PEAK1: variants seen among roughly 807,000 people sequenced by gnomAD.
PEAK1 encodes inactive tyrosine-protein kinase PEAK1.
In PEAK1, 54 loss-of-function variants were observed where a neutral mutation model predicts 124.7. The ratio of observed to expected loss-of-function variants is 0.43; its 90% CI spans 0.35 to 0.54. The LOEUF (loss-of-function observed/expected upper bound fraction) is 0.54. PEAK1 is among the 20% of genes least tolerant of loss of function. PEAK1 has a pLI of 0.01. For missense variants in PEAK1, 2,046 were observed against 2,134.5 expected (o/e 0.96, Z 0.82); for synonymous variants, 719 against 760.0 (o/e 0.95, Z 0.89).
At chr15:77,414,198 T>TCTCTTTCCTTC (rs2072666957) in intron 1 of PEAK1, among the ~76,000 whole-genome samples, 2 of 147,056 alleles carry the variant, frequency 1.4e-5, no homozygotes, top group Non-Finnish European at 1.5e-5. Context: ...TTTCCTTCCT[T>TCTCTTTCCTTC]CTTTCCTTCT....
At chr15:77,392,450 G>T (rs983381518) in intron 1 of PEAK1, among the ~76,000 whole-genome samples, 6 of 152,148 alleles carry the variant, frequency 3.9e-5, no homozygotes, top group African/African-American at 1.2e-4. Flanking sequence ...AATTACAGAG[G>T]TATTAAGACC....
chr15:77,248,922 C>G (rs1471672679), intron 6 of PEAK1, among the ~76,000 whole-genome samples: 1 of 152,130 alleles, frequency 6.6e-6, no homozygotes, highest in Non-Finnish European at 1.5e-5. Flanking sequence ...CCTCCTGGTT[C>G]AAGTGATTCT....
At chr15:77,345,735 AT>A (rs1021628525) in intron 2 of PEAK1, 70 of 247,354 alleles carry the variant, frequency 2.8e-4, no homozygotes, top group South Asian at 4.5e-4. Context: ...GGCTAAAATA[AT>A]TTTTTTTGTA....
intron 8 of PEAK1, among the ~76,000 whole-genome samples, chr15:77,140,179 T>C (rs573842224): frequency 3.9e-5 from 6 of 152,178 alleles, no homozygotes; most frequent in Non-Finnish European, 7.3e-5. Context: ...GAAGTATTAA[T>C]ACCAATCCTT....
chr15:77,230,493 C>G (rs1169044787), intron 6 of PEAK1, among the ~76,000 whole-genome samples: 1 of 152,122 alleles, frequency 6.6e-6, no homozygotes, highest in African/African-American at 2.4e-5. Context: ...GCCACTGTGC[C>G]CAGCCTGAGG....
chr15:77,380,825 C>T (rs1262448091), intron 1 of PEAK1, among the ~76,000 whole-genome samples: 1 of 152,170 alleles, frequency 6.6e-6, no homozygotes, highest in African/African-American at 2.4e-5. Context: ...AAGCATCCCC[C>T]TCTCTCCCAA....
At chr15:77,253,041 C>T (rs944502997) in intron 5 of PEAK1, among the ~76,000 whole-genome samples, 1 of 152,094 alleles carries the variant, frequency 6.6e-6, no homozygotes, top group Non-Finnish European at 1.5e-5. Flanking sequence ...AAATTAAATA[C>T]ATGTCTACCT....
intron 1 of PEAK1, among the ~76,000 whole-genome samples, chr15:77,369,356 A>G (rs746409906): frequency 2.0e-5 from 3 of 152,222 alleles, no homozygotes; most frequent in African/African-American, 7.2e-5. Flanking sequence ...CTCGACCCTT[A>G]GAAAATACAA....
Position 77,158,703 on chromosome 15 carries a change from C to A in PEAK1, c.3138-7G>T, listed in dbSNP as rs540641285. 7.5e-5 allele frequency: 120 copies of A among 1,609,614 alleles called. 1 individual carries two copies. The highest frequency in any genetic ancestry group is 9.9e-5 in the Non-Finnish European group (117 of 1,176,086). On this transcript the variant is annotated splice_region_variant and splice_polypyrimidine_tract_variant and intron_variant, in intron 7 of 9. Transcript: ENST00000682557. The stretch of plus-strand genomic sequence containing the variant: ...TACTTCATGGGTCATGTGACTGAAA[C>A]AAATCAGACCACTTGTCACACTGGT...
chr15:77,350,263 T>C lies in PEAK1; in HGVS notation c.-603+14900A>G, dbSNP rs986835631. 3 of 985,276 alleles carry C rather than the reference T, an allele frequency of 3.0e-6. No homozygotes were observed. In the Admixed American group the frequency reaches 1.8e-4, roughly 61 times the overall value. The allele number at this position is 985,276 out of a possible 1,614,324, so 61.0% of individuals were successfully genotyped here. On this transcript the variant is annotated intron_variant, in intron 2 of 9. Transcript: ENST00000682557. ...ACAAATTAACAGTAACCACTCACAC[T>C]AATTTCATATGAATTAGAAGAATCA... is the stretch of plus-strand genomic sequence containing the variant.
intron 2 of PEAK1, among the ~76,000 whole-genome samples, chr15:77,289,450 T>C (rs1456543167): frequency 2.0e-5 from 3 of 152,144 alleles, no homozygotes; most frequent in African/African-American, 7.2e-5. Flanking sequence ...AAAGTGAAAA[T>C]ATAGTATACT....
rs1157117784 is a variant in PEAK1, at chr15:77,112,772, CT to C, written c.*1383del. 1.3e-5 allele frequency: 2 copies of C among 152,142 alleles called. No individual in the cohort carries two copies. The highest frequency in any genetic ancestry group is 3.9e-4 in the East Asian group (2 of 5,186). 9.4% of individuals were successfully genotyped at this position (152,142 alleles called of 1,614,324 possible). ...GCCAAGGGAAGAAGGGGGAGGGTTT[CT>C]GTAGACTCGCTTCAGGTGAAGTTGC... On this transcript the variant is annotated 3_prime_UTR_variant, in exon 10 of 10. Transcript: ENST00000682557.
chr15:77,231,942 T>C (rs1054681033), intron 6 of PEAK1, among the ~76,000 whole-genome samples: 3 of 152,116 alleles, frequency 2.0e-5, no homozygotes, highest in Admixed American at 6.6e-5. Context: ...ACAGTGAAAT[T>C]TGAAAAACAA....
chr15:77,153,868 G>A (rs535244494), intron 8 of PEAK1, among the ~76,000 whole-genome samples: 77 of 152,268 alleles, frequency 5.1e-4, no homozygotes, highest in African/African-American at 1.8e-3. Context: ...TATAATTTCT[G>A]TTCTTTTACA....
At chr15:77,208,024 T>G (rs1466895778) in intron 6 of PEAK1, among the ~76,000 whole-genome samples, 2 of 152,148 alleles carry the variant, frequency 1.3e-5, no homozygotes, top group East Asian at 3.9e-4. Context: ...GAGTGTGGCT[T>G]TTCCCCAAGA....
Position 77,179,078 on chromosome 15 carries a change from C to T in PEAK1, c.2849G>A (p.Gly950Glu). 2 of 1,614,168 alleles carry T rather than the reference C, an allele frequency of 1.2e-6. No individual in the cohort carries two copies. Among genetic ancestry groups the T allele is most frequent in the East Asian group, 4.5e-5 (2 of 44,882 alleles). Residue 950 changes from glycine to glutamate, a missense_variant, in exon 7 of 10, where the codon GGG (glycine) becomes GAG (glutamate). Coordinates refer to ENST00000682557, the MANE Select transcript of PEAK1 (RefSeq NM_001385026.1). The stretch of plus-strand genomic sequence containing the variant: ...TGTGCCATCCAGGCCCACCAGTTTC[C>T]CTTTCTCTCGCTCTTTCTCTTTGTC... Reference protein sequence around the residue: ...EDDKEKEREKGKLVGLDGTVI... With the variant: ...EDDKEKEREKEKLVGLDGTVI...
At chr15:77,360,092 G>T (rs994681928) in intron 2 of PEAK1, among the ~76,000 whole-genome samples, 1 of 152,190 alleles carries the variant, frequency 6.6e-6, no homozygotes, top group Non-Finnish European at 1.5e-5. Flanking sequence ...GAACAGAATT[G>T]AAAGTCCAGA....
At chr15:77,132,969 T>A in intron 9 of PEAK1, 36 bp downstream of exon 9, 1 of 1,566,906 alleles carries the variant, frequency 6.4e-7, no homozygotes, top group Non-Finnish European at 8.7e-7. Context: ...AATGTAGTGG[T>A]TAAGACTTAA....
At chr15:77,132,673 C>T (rs1596300265) in intron 9 of PEAK1, among the ~76,000 whole-genome samples, 1 of 119,002 alleles carries the variant, frequency 8.4e-6, no homozygotes, top group Non-Finnish European at 1.7e-5. Context: ...CCACAATGGG[C>T]AACAAGAGTG....
Sources: allele counts gnomAD v4.1 joint callset (sites outside exome capture counted in the v4.1 genomes callset), GRCh38; gene constraint gnomAD v4.1.1; transcripts MANE v1.5; gene names NCBI Gene and HGNC (gene_info 2026-07-23, HGNC 2026-07-21).